Variants in SCARA3 observed in about 807,000 individuals in gnomAD.
SCARA3 encodes scavenger receptor class A member 3, also known as cellular stress response gene protein.
A neutral mutation model predicts 47.0 loss-of-function variants in SCARA3; 39 were observed. That is an observed-to-expected ratio of 0.83 (90% CI 0.64 to 1.08). The LOEUF is 1.08. SCARA3 is among the 50% of genes least tolerant of loss of function. The pLI, the probability that SCARA3 is intolerant of heterozygous loss-of-function variation, is 0.00. For missense variants in SCARA3, 724 were observed against 792.3 expected (o/e 0.91, Z 1.04); for synonymous variants, 356 against 334.1 (o/e 1.07, Z -0.71).
chr8:27,657,395 G>A (rs954199517), intron 4 of SCARA3, among the ~76,000 whole-genome samples: 1 of 149,210 alleles, frequency 6.7e-6, no homozygotes, highest in African/African-American at 2.5e-5. Context: ...ACTGAGGTTT[G>A]GGGGGGTAGA....
the SCARA3 span, among the ~76,000 whole-genome samples, chr8:27,695,128 T>C: frequency 0.44 from 66,245 of 152,008 alleles, 16,112 homozygotes; most frequent in Non-Finnish European, 0.55. Context: ...CATTAACACC[T>C]TGTTAATATC....
chr8:27,637,797 G>T (rs994384237), intron 1 of SCARA3, among the ~76,000 whole-genome samples: 1 of 152,058 alleles, frequency 6.6e-6, no homozygotes, highest in African/African-American at 2.4e-5. Flanking sequence ...AAAACACAGC[G>T]ATGCAATCCC....
Position 27,660,693 on chromosome 8 carries a change from T to TGATAAATA in SCARA3, c.1369+1158_1369+1159insAATAGATA, listed in dbSNP as rs577613643. On this transcript the variant is annotated intron_variant, in intron 5 of 5. Coordinates refer to ENST00000301904, the MANE Select transcript of SCARA3 (RefSeq NM_016240.3). ...AGAATCAATAGTGTAGAGTGATAGA[T>TGATAAATA]GATAGATAGATAGATAGATAGATAG... Among the ~76,000 whole-genome samples, 593 of 89,462 alleles carry TGATAAATA rather than the reference T, an allele frequency of 6.6e-3. 11 individuals carry two copies. The highest frequency in any genetic ancestry group is 0.028 in the East Asian group (68 of 2,460). 58.7% of individuals were successfully genotyped at this position (89,462 alleles called of 152,430 possible).
In SCARA3 at chr8:27,671,606, A is replaced by G. The variant is rs1450385345; in HGVS notation, c.*255A>G. The G allele has an allele frequency of 3.3e-6, 4 of 1,225,386 alleles. No homozygotes were observed. Among genetic ancestry groups the G allele is most frequent in the Admixed American group, 4.1e-5 (1 of 24,528 alleles). 75.9% of individuals were successfully genotyped at this position (1,225,386 alleles called of 1,614,324 possible). A position where few individuals can be genotyped will look rare whatever the true frequency, so the allele number is the denominator to read the frequency against. On this transcript the variant is annotated 3_prime_UTR_variant, in exon 6 of 6. Coordinates refer to ENST00000301904, the MANE Select transcript of SCARA3 (RefSeq NM_016240.3). The stretch of plus-strand genomic sequence containing the variant: ...CACACATACACGCACATGCACACAT[A>G]CACATGCATGCACACATACACAGGC...
chr8:27,728,303 G>A, the SCARA3 span, among the ~76,000 whole-genome samples: 1 of 152,296 alleles, frequency 6.6e-6, no homozygotes, highest in Admixed American at 6.5e-5. Flanking sequence ...ACCCAGTTGG[G>A]AAGCGCATTC....
In SCARA3 at chr8:27,671,756, AC is replaced by A. The variant is rs1026188080; in HGVS notation, c.*406del. The A allele has an allele frequency of 3.0e-6, 3 of 1,008,516 alleles. No individual in the cohort carries two copies. The African/African-American group carries it at 5.2e-5, about 17-fold the overall frequency. The allele number at this position is 1,008,516 out of a possible 1,614,324, so 62.5% of individuals were successfully genotyped here. Reference sequence around the variant, plus strand: ...CACATGCACACATATATGCACAGGCACACACATGTACGCACACACACATGCA... The same window carrying A: ...CACATGCACACATATATGCACAGGCAACACATGTACGCACACACACATGCA... On this transcript the variant is annotated 3_prime_UTR_variant, in exon 6 of 6. Transcript: ENST00000301904.
chr8:27,671,188 G>A lies in SCARA3; in HGVS notation c.1658G>A (p.Gly553Glu), dbSNP rs1802145400. The A allele has an allele frequency of 6.6e-7, 1 of 1,516,524 alleles. No individual in the cohort carries two copies. The highest frequency in any genetic ancestry group is 8.8e-7 in the Non-Finnish European group (1 of 1,137,184). The allele number at this position is 1,516,524 out of a possible 1,614,324, so 93.9% of individuals were successfully genotyped here. A position where few individuals can be genotyped will look rare whatever the true frequency, so the allele number is the denominator to read the frequency against. Residue 553 changes from glycine (G) to glutamate (E), a missense_variant, in exon 6 of 6, where the codon GGG (glycine) becomes GAG (glutamate). Coordinates refer to ENST00000301904, the MANE Select transcript of SCARA3 (RefSeq NM_016240.3). ...CCCCCAGGGCCAGAAGGGCCCCCGG[G>A]GTCTCCAGGGCCCTCAGGGCCTCAG... ...IGPPGPEGPPGSPGPSGPQGK... is the reference protein window; with the variant it reads ...IGPPGPEGPPESPGPSGPQGK...
At position 27,634,082 on chromosome 8, in the gene SCARA3, G is replaced by A. The variant is rs1398629274; in HGVS notation, c.-119G>A. ...GCATGAGTCCCGGCCGGAGCCCCAC[G>A]GCCGCGGGCGGCGCCTAGGACGGCG... On this transcript the variant is annotated 5_prime_UTR_variant, in exon 1 of 6. Transcript: ENST00000301904. 17 of 940,674 alleles carry A rather than the reference G, an allele frequency of 1.8e-5. No homozygotes were observed. Among genetic ancestry groups the A allele is most frequent in the Non-Finnish European group, 2.1e-5 (15 of 700,686 alleles). The allele number at this position is 940,674 out of a possible 1,614,324, so 58.3% of individuals were successfully genotyped here. A position where few individuals can be genotyped will look rare whatever the true frequency, so the allele number is the denominator to read the frequency against.
At position 27,661,536 on chromosome 8, in the gene SCARA3, C is replaced by A. The variant is rs541899335; in HGVS notation, c.1369+1997C>A. ...CAAAATTGTTGGCTATACACACACA[C>A]AGATATATTCATTAAAAAAATAAGG... On this transcript the variant is annotated intron_variant, in intron 5 of 5. Transcript: ENST00000301904. Among the ~76,000 whole-genome samples, 13 of 152,182 alleles carry A rather than the reference C, an allele frequency of 8.5e-5. 1 individual carries two copies. The South Asian group carries it at 2.7e-3, about 32-fold the overall frequency.
chr8:27,687,064 G>T, the SCARA3 span, among the ~76,000 whole-genome samples: 1 of 152,154 alleles, frequency 6.6e-6, no homozygotes, highest in African/African-American at 2.4e-5. Context: ...CTTTCCCCCA[G>T]GGGTGGGCAG....
intron 5 of SCARA3, among the ~76,000 whole-genome samples, chr8:27,659,848 TAAAAAAA>T (rs1164812144): frequency 5.0e-5 from 2 of 40,336 alleles, no homozygotes; most frequent in African/African-American, 2.6e-4. Context: ...AGTCCTTATC[TAAAAAAA>T]AAAAAAAAAA....
In SCARA3 at chr8:27,648,102, C is replaced by T. The variant is rs566394267; in HGVS notation, c.8-1600C>T. Among the ~76,000 whole-genome samples, 8 of 152,360 alleles carry T rather than the reference C, an allele frequency of 5.3e-5. No homozygotes were observed. The East Asian group carries it at 1.3e-3, about 26-fold the overall frequency. On this transcript the variant is annotated intron_variant, in intron 1 of 5. Coordinates refer to ENST00000301904, the MANE Select transcript of SCARA3 (RefSeq NM_016240.3). ...CTTAGCACTTTGTGGAACCTTTGCT[C>T]ATTACCTCAAGGTGGTTGTAGGTAT...
Position 27,646,041 on chromosome 8 carries a change from G to A in SCARA3, c.8-3661G>A, listed in dbSNP as rs990996981. Among the ~76,000 whole-genome samples, 7 of 152,210 alleles carry A rather than the reference G, an allele frequency of 4.6e-5. No homozygotes were observed. The South Asian group carries it at 8.3e-4, about 18-fold the overall frequency. The stretch of plus-strand genomic sequence containing the variant: ...ATTAAGTGAACGAGGCTACAGTGGT[G>A]AGTTACTACAGCATTCCAGACATAG... On this transcript the variant is annotated intron_variant, in intron 1 of 5. Coordinates refer to ENST00000301904, the MANE Select transcript of SCARA3 (RefSeq NM_016240.3).
downstream of SCARA3, chr8:27,676,879 C>T: frequency 4.0e-6 from 1 of 248,854 alleles, no homozygotes; most frequent in East Asian, 8.9e-5. Flanking sequence ...TGATAAAACA[C>T]AGCTCCCTAT....
intron 1 of SCARA3, among the ~76,000 whole-genome samples, chr8:27,648,315 A>T (rs1801551415): frequency 6.6e-6 from 1 of 152,256 alleles, no homozygotes; most frequent in Non-Finnish European, 1.5e-5. Flanking sequence ...TGCATTAAAA[A>T]CAAAAAGGAG....
rs567494778 is a variant in SCARA3, at chr8:27,640,053, T to C, written c.7+5846T>C. Reference sequence around the variant, plus strand: ...GGGAGGGGGAGGGACAGAAGAGGCATGGGGGGACTTGGGGACAGAGCGGTG... The same window carrying C: ...GGGAGGGGGAGGGACAGAAGAGGCACGGGGGGACTTGGGGACAGAGCGGTG... On this transcript the variant is annotated intron_variant, in intron 1 of 5. Transcript: ENST00000301904. Among the ~76,000 whole-genome samples the C allele has an allele frequency of 6.7e-5, 10 of 148,270 alleles. No individual in the cohort carries two copies. In the South Asian group the frequency reaches 1.9e-3, roughly 29 times the overall value.
chr8:27,655,350 A>T (rs951413824), intron 3 of SCARA3, among the ~76,000 whole-genome samples: 1 of 152,224 alleles, frequency 6.6e-6, no homozygotes, highest in East Asian at 1.9e-4. Flanking sequence ...CCTTAAGAGG[A>T]TCTGTGGGAA....
At chr8:27,678,762 C>A (rs145530191), downstream of SCARA3, among the ~76,000 whole-genome samples, 145 of 152,300 alleles carry the variant, frequency 9.5e-4, no homozygotes, top group Middle Eastern at 0.01. Flanking sequence ...AAATTATAAA[C>A]TGGTATCCTT....
Position 27,650,054 on chromosome 8 carries a change from G to C in SCARA3, c.106+254G>C, listed in dbSNP as rs1202738837. On this transcript the variant is annotated intron_variant, in intron 2 of 5. Transcript: ENST00000301904. ...TGTCGTCCAGGCTAGTATGAGTGGT[G>C]CAACCACAGATCACTGCAGCCTCAA... Among the ~76,000 whole-genome samples the C allele has an allele frequency of 2.0e-5, 3 of 152,160 alleles. No homozygotes were observed. The East Asian group carries it at 5.8e-4, about 29-fold the overall frequency.
Sources: gnomAD v4.1 joint callset for allele counts (sites outside exome capture counted in the v4.1 genomes callset) on GRCh38, gnomAD v4.1.1 for gene constraint, MANE v1.5 for transcripts, NCBI Gene and HGNC (gene_info 2026-07-23, HGNC 2026-07-21) for gene names.